The following DIDO1 variants were observed in gnomAD, a reference collection of about 807,000 sequenced individuals.
DIDO1 encodes the protein death inducer-obliterator 1, also known as death-inducer obliterator 1.
In DIDO1, 16 loss-of-function variants were observed where a neutral mutation model predicts 99.4. That is an observed-to-expected ratio of 0.16 (90% confidence interval 0.11 to 0.24). The LOEUF (loss-of-function observed/expected upper bound fraction) is 0.24. DIDO1 is among the 10% of genes least tolerant of loss of function. DIDO1 has a pLI of 1.00. For synonymous variants in DIDO1, 1,366 were observed against 1,239.1 expected, an observed-to-expected ratio of 1.10 and a Z score of -2.15; for missense variants, 2,996 against 3,014.0, an observed-to-expected ratio of 0.99 and a Z score of 0.14.
intron 1 of DIDO1, among the ~76,000 whole-genome samples, chr20:62,936,715 T>C (rs969112903): frequency 7.3e-6 from 1 of 136,284 alleles, no homozygotes; most frequent in Non-Finnish European, 1.6e-5. Flanking sequence ...AATACAAAAA[T>C]TAGCTGGGCG....
At chr20:62,930,132 C>T (rs866448936), upstream of DIDO1, among the ~76,000 whole-genome samples, 4 of 151,564 alleles carry the variant, frequency 2.6e-5, no homozygotes, top group South Asian at 2.1e-4. Context: ...CCCAGCTACT[C>T]GGGAGGCTAA....
Position 62,910,813 on chromosome 20 carries a change from T to C in DIDO1, c.800A>G (p.Asn267Ser), listed in dbSNP as rs1326399764. Residue 267 changes from asparagine to serine, a missense_variant, in exon 3 of 16, where the codon AAC becomes AGC. By Grantham distance (46) the Asn-to-Ser change is conservative. Around this residue, in one of 5 missense-constraint regions of DIDO1, gnomAD observed 388 missense variants for 376.6 expected, o/e 1.03. Transcript: ENST00000395343. ...PKPECEGYDP[N>S]ALYCICRQPH... is the part of the protein sequence containing the mutation. ...CTGGCGGCAAATGCAATACAGGGCG[T>C]TGGGGTCGTAACCCTCACATTCAGG... is the stretch of plus-strand genomic sequence containing the variant. 8 of 1,614,100 alleles carry C rather than the reference T, an allele frequency of 5.0e-6. No individual in the cohort carries two copies. The highest frequency in any genetic ancestry group is 1.1e-5 in the South Asian group (1 of 91,086).
chr20:62,903,918 G>A (rs1425619552), intron 6 of DIDO1, among the ~76,000 whole-genome samples: 3 of 152,102 alleles, frequency 2.0e-5, no homozygotes, highest in South Asian at 2.1e-4. Flanking sequence ...CCTCCTGGTC[G>A]ACCTCTCCCC....
At position 62,881,899 on chromosome 20, in the gene DIDO1, C is replaced by T. The variant is rs1002227008; in HGVS notation, c.4057G>A (p.Gly1353Arg). The T allele has an allele frequency of 1.2e-6, 2 of 1,613,504 alleles. No individual in the cohort carries two copies. The highest frequency in any genetic ancestry group is 1.7e-5 in the Admixed American group (1 of 60,028). The change falls in exon 16 of 16, where the codon GGG (glycine) becomes AGG (arginine). Residue 1353 changes from glycine to arginine, a missense_variant. Gly to Arg is a moderately radical substitution (Grantham distance 125). Transcript: ENST00000395343. This position sits in a 1 kb window ranked among gnomAD's most constrained non-coding sequence, Gnocchi z 8.3. ...PQEPKTTAED[G>R]VPAPPLLDPI... ...TCTAACAACGGAGGTGCCGGCACCC[C>T]GTCCTCTGCTGTGGTTTTGGGCTCC...
At chr20:62,891,900 A>T in intron 14 of DIDO1, 87 bp downstream of exon 14, 1 of 1,082,810 alleles carries the variant, frequency 9.2e-7, no homozygotes, top group Non-Finnish European at 1.3e-6. Context: ...TTTAAGTGTT[A>T]ACCCATCCAA....
chr20:62,910,041 T>C (rs1280986032), intron 3 of DIDO1, 21 bp from the exon 4 acceptor site: 1 of 1,595,212 alleles, frequency 6.3e-7, no homozygotes, highest in South Asian at 1.1e-5. Context: ...AAAATAACGG[T>C]ATTAGCAATG....
chr20:62,879,171 C>G lies in DIDO1; in HGVS notation c.*62G>C. 7.2e-7 allele frequency: 1 copy of G among 1,380,724 alleles called. No individual in the cohort carries two copies. The highest frequency in any genetic ancestry group is 9.5e-7 in the Non-Finnish European group (1 of 1,058,114). The allele number at this position is 1,380,724 out of a possible 1,614,324, so 85.5% of individuals were successfully genotyped here. On this transcript the variant is annotated 3_prime_UTR_variant, in exon 16 of 16. Coordinates refer to ENST00000395343, the MANE Select transcript of DIDO1 (RefSeq NM_001193369.2). The surrounding 1 kb of genome is among the most constrained non-coding windows in gnomAD (Gnocchi z 6.3). ...TCTAAGATCGTGGCTATTTCAAAAG[C>G]TATTTGTTCAACGCATCTTACGAAC...
At chr20:62,889,754 C>T in intron 15 of DIDO1, 1 of 985,402 alleles carries the variant, frequency 1.0e-6, no homozygotes, top group Non-Finnish European at 1.2e-6. Context: ...TCTCTTTATC[C>T]CAAGTAGGAT....
intron 1 of DIDO1, among the ~76,000 whole-genome samples, chr20:62,933,713 TA>T (rs1001295746): frequency 1.3e-5 from 2 of 152,042 alleles, no homozygotes; most frequent in Admixed American, 6.6e-5. Context: ...CTACAAAAAA[TA>T]AACAAAATTA....
rs765813315 is a variant in DIDO1 at position 62,879,910 on chromosome 20, G to C, written c.6046C>G (p.Pro2016Ala). ...CTGGGGCCCGGCTTCATCACCTGCG[G>C]GGCCTGGCCCTGGAAGTGAAATCGC... ...PSRFHFQGQA[P>A]QVMKPGPRPL... The change falls in exon 16 of 16, where the codon CCG becomes GCG. Residue 2016 changes from proline to alanine, a missense_variant. By Grantham distance (27) the Pro-to-Ala change is conservative. This residue lies in a region of DIDO1 where 1,562 missense variants were observed against 1,412.6 expected (regional missense o/e 1.11). Transcript: ENST00000395343. The surrounding 1 kb of genome is among the most constrained non-coding windows in gnomAD (Gnocchi z 6.3). 17 of 1,591,210 alleles carry C rather than the reference G, an allele frequency of 1.1e-5. No homozygotes were observed. In the East Asian group the frequency reaches 3.8e-4, roughly 36 times the overall value.
At chr20:62,901,176 C>T (rs781180550) in intron 6 of DIDO1, among the ~76,000 whole-genome samples, 24 of 152,152 alleles carry the variant, frequency 1.6e-4, no homozygotes, top group Non-Finnish European at 2.6e-4. Context: ...ACATCGCAGA[C>T]GCTCCTCAGA....
chr20:62,914,565 G>A (rs972261290), intron 1 of DIDO1, among the ~76,000 whole-genome samples, 159 bp from the exon 2 acceptor site: 2 of 152,224 alleles, frequency 1.3e-5, no homozygotes, highest in Non-Finnish European at 1.5e-5. Flanking sequence ...CGCAAGCAGT[G>A]TCCTTAAGGA....
At chr20:62,920,440 G>A (rs919116151) in intron 1 of DIDO1, among the ~76,000 whole-genome samples, 3 of 152,174 alleles carry the variant, frequency 2.0e-5, no homozygotes, top group Non-Finnish European at 4.4e-5. Context: ...TTGAGGGAGA[G>A]GTGTGTACTG....
At chr20:62,902,929 C>T (rs2064715825) in intron 6 of DIDO1, among the ~76,000 whole-genome samples, 1 of 151,926 alleles carries the variant, frequency 6.6e-6, no homozygotes, top group Non-Finnish European at 1.5e-5. Context: ...CTATCAAATA[C>T]CATCTCAAAA....
intron 1 of DIDO1, among the ~76,000 whole-genome samples, chr20:62,915,545 G>A (rs966700220): frequency 1.3e-5 from 2 of 152,206 alleles, no homozygotes; most frequent in Non-Finnish European, 2.9e-5. Flanking sequence ...CTGGAGTGCA[G>A]TGGCCCAATC....
chr20:62,937,498 G>T (rs534767087), intron 1 of DIDO1, among the ~76,000 whole-genome samples: 1 of 152,382 alleles, frequency 6.6e-6, no homozygotes, highest in Admixed American at 6.5e-5. Flanking sequence ...CGTAGCCCAT[G>T]GGAGGCGCCC....
At chr20:62,930,355 A>G (rs1379155574), upstream of DIDO1, among the ~76,000 whole-genome samples, 5 of 152,230 alleles carry the variant, frequency 3.3e-5, no homozygotes, top group Non-Finnish European at 7.3e-5. Context: ...TGCTGTTTTG[A>G]GACAACCAAC....
At chr20:62,919,082 G>T (rs1325897101) in intron 1 of DIDO1, among the ~76,000 whole-genome samples, 1 of 152,186 alleles carries the variant, frequency 6.6e-6, no homozygotes, top group Admixed American at 6.5e-5. Flanking sequence ...GAAACACTGT[G>T]CTGCACTCAC....
Position 62,881,876 on chromosome 20 carries a change from TAAC to T in DIDO1, c.4077_4079del (p.Leu1360del), listed in dbSNP as rs2064213225. The T allele has an allele frequency of 6.2e-7, 1 of 1,613,416 alleles. No individual in the cohort carries two copies. The highest frequency in any genetic ancestry group is 1.3e-5 in the African/African-American group (1 of 74,932). On this transcript the variant is annotated inframe_deletion, in exon 16 of 16. Transcript: ENST00000395343. This position sits in a 1 kb window ranked among gnomAD's most constrained non-coding sequence, Gnocchi z 8.3. ...GACCGAACTGCTGGACGATCGGATCTAACAACGGAGGTGCCGGCACCCCGTCCT... is the reference window on the plus strand; with the variant it reads ...GACCGAACTGCTGGACGATCGGATCTAACGGAGGTGCCGGCACCCCGTCCT...
Sources: gnomAD v4.1 joint callset for allele counts (sites outside exome capture counted in the v4.1 genomes callset) on GRCh38, gnomAD v4.1.1 for gene constraint, gnomAD v4.1.1 regional missense constraint, Gnocchi (gnomAD v3.1) non-coding constraint, MANE v1.5 for transcripts, NCBI Gene and HGNC (gene_info 2026-07-23, HGNC 2026-07-21) for gene names.